The following SBSPON variants were observed in gnomAD, a reference collection of about 807,000 sequenced individuals.
The protein encoded by SBSPON is somatomedin B and thrombospondin type 1 domain containing.
In SBSPON, 30 loss-of-function variants were observed where a neutral mutation model predicts 35.8. That is an observed-to-expected ratio of 0.84 (90% CI 0.63 to 1.14). The LOEUF is 1.14. Ranked by LOEUF, SBSPON falls within the 50% of genes most tolerant of loss-of-function variation. The probability of loss-of-function intolerance (pLI) is 0.00; values close to 1 mark genes in which losing one functional copy is unlikely to be tolerated. For missense variants in SBSPON, 364 were observed against 357.7 expected (o/e 1.02, Z -0.14); for synonymous variants, 136 against 135.9 (o/e 1.00, Z 0.00).
chr8:73,071,534 A>G (rs1810491936), intron 3 of SBSPON, among the ~76,000 whole-genome samples: 1 of 152,136 alleles, frequency 6.6e-6, no homozygotes, highest in South Asian at 2.1e-4. Context: ...TCACAAAATA[A>G]TCTCATTTGT....
intron 1 of SBSPON, among the ~76,000 whole-genome samples, chr8:73,091,608 G>A (rs1193258284): frequency 2.0e-5 from 3 of 152,094 alleles, no homozygotes; most frequent in African/African-American, 7.2e-5. Flanking sequence ...CTGGCTCAAG[G>A]GCACTGCATT....
chr8:73,092,772 A>T, intron 1 of SBSPON, 82 bp downstream of exon 1: 1 of 1,074,086 alleles, frequency 9.3e-7, no homozygotes, highest in Middle Eastern at 2.5e-4. Flanking sequence ...TCAGGGACTG[A>T]GGTCCTTGGC....
intron 1 of SBSPON, among the ~76,000 whole-genome samples, chr8:73,092,034 G>A (rs1172092710): frequency 6.6e-6 from 1 of 152,214 alleles, no homozygotes; most frequent in Non-Finnish European, 1.5e-5. Flanking sequence ...GGTACACCTT[G>A]TTCCTCAAGG....
chr8:73,072,014 A>G lies in SBSPON; in HGVS notation c.410-144T>C, dbSNP rs1810502886. ...CACCATCAAGGTGTGAAATGAGGCC[A>G]AGTTACAAATTCAATAAAGATGTGT... On this transcript the variant is annotated intron_variant, in intron 2 of 4. Coordinates refer to ENST00000297354, the MANE Select transcript of SBSPON (RefSeq NM_153225.4). The G allele has an allele frequency of 3.2e-5, 20 of 625,692 alleles. No individual in the cohort carries two copies. The East Asian group carries it at 5.2e-4, about 16-fold the overall frequency. 38.8% of individuals were successfully genotyped at this position (625,692 alleles called of 1,614,324 possible).
chr8:73,083,545 C>T (rs1266944028), intron 1 of SBSPON, among the ~76,000 whole-genome samples: 1 of 152,194 alleles, frequency 6.6e-6, no homozygotes, highest in African/African-American at 2.4e-5. Context: ...GTACGGAAAC[C>T]TCTGACAGAT....
At chr8:73,081,874 G>C (rs1810713985) in intron 1 of SBSPON, among the ~76,000 whole-genome samples, 1 of 152,172 alleles carries the variant, frequency 6.6e-6, no homozygotes, top group South Asian at 2.1e-4. Context: ...GGCCCAGAGA[G>C]ATAAAGAGTA....
chr8:73,078,459 T>C (rs1391601232), intron 2 of SBSPON, among the ~76,000 whole-genome samples: 2 of 152,206 alleles, frequency 1.3e-5, no homozygotes, highest in South Asian at 2.1e-4. Context: ...AGTACAGATA[T>C]GTTAAGACAC....
intron 2 of SBSPON, among the ~76,000 whole-genome samples, chr8:73,080,651 T>C (rs560500093): frequency 6.6e-6 from 1 of 152,350 alleles, no homozygotes; most frequent in South Asian, 2.1e-4. Flanking sequence ...TTATACTTCC[T>C]GGACTCTTAC....
chr8:73,077,381 C>T (rs1440615149), intron 2 of SBSPON, among the ~76,000 whole-genome samples: 3 of 152,220 alleles, frequency 2.0e-5, no homozygotes, highest in Non-Finnish European at 4.4e-5. Flanking sequence ...GCCTGATCTG[C>T]GAACAGGAAG....
intron 2 of SBSPON, among the ~76,000 whole-genome samples, chr8:73,075,902 A>T (rs1432614342): frequency 1.3e-5 from 2 of 152,240 alleles, no homozygotes; most frequent in African/African-American, 4.8e-5. Context: ...GTGGCTTTTT[A>T]AATTTGTTTT....
chr8:73,076,173 C>A (rs559437213), intron 2 of SBSPON, among the ~76,000 whole-genome samples: 1 of 152,292 alleles, frequency 6.6e-6, no homozygotes, highest in African/African-American at 2.4e-5. Flanking sequence ...TAGTCCTTCA[C>A]ACGTGCTGTC....
chr8:73,088,728 G>T (rs1006124048), intron 1 of SBSPON, among the ~76,000 whole-genome samples: 7 of 152,120 alleles, frequency 4.6e-5, no homozygotes, highest in East Asian at 1.9e-4. Flanking sequence ...GAGGCAGAAT[G>T]GTTCTATGAG....
intron 1 of SBSPON, among the ~76,000 whole-genome samples, chr8:73,084,895 A>C (rs553036125): frequency 4.6e-5 from 7 of 152,088 alleles, no homozygotes; most frequent in Non-Finnish European, 8.8e-5. Context: ...GATGCCCCTG[A>C]GGATCATGAT....
chr8:73,075,369 C>G (rs987418411), intron 2 of SBSPON, among the ~76,000 whole-genome samples: 1 of 152,004 alleles, frequency 6.6e-6, no homozygotes, highest in African/African-American at 2.4e-5. Flanking sequence ...TTTAATACAC[C>G]CCCCCCAAAT....
intron 2 of SBSPON, among the ~76,000 whole-genome samples, chr8:73,073,757 T>C (rs1422683150): frequency 2.8e-5 from 4 of 143,252 alleles, no homozygotes; most frequent in African/African-American, 1.0e-4. Flanking sequence ...TGAGCCGAGA[T>C]CACACCACTG....
At chr8:73,071,723 T>G in intron 3 of SBSPON, 57 bp downstream of exon 3, 2 of 1,046,886 alleles carry the variant, frequency 1.9e-6, no homozygotes, top group Non-Finnish European at 1.4e-6. Flanking sequence ...CCTCTTGCAT[T>G]GACTTGACTA....
chr8:73,079,147 G>A (rs1453532910), intron 2 of SBSPON, among the ~76,000 whole-genome samples: 1 of 152,134 alleles, frequency 6.6e-6, no homozygotes, highest in Non-Finnish European at 1.5e-5. Context: ...GGGCCTGCCT[G>A]CCTGCACACC....
intron 1 of SBSPON, among the ~76,000 whole-genome samples, chr8:73,082,351 C>CTA (rs977547355): frequency 8.1e-4 from 124 of 152,264 alleles, no homozygotes; most frequent in African/African-American, 2.9e-3. Flanking sequence ...ATCCGCTTTC[C>CTA]TATCATCCTC....
At chr8:73,090,068 G>A (rs1223657246) in intron 1 of SBSPON, among the ~76,000 whole-genome samples, 1 of 152,314 alleles carries the variant, frequency 6.6e-6, no homozygotes, top group Non-Finnish European at 1.5e-5. Flanking sequence ...AGTAGAAATA[G>A]GGTTTCGCCA....
Sources: allele counts gnomAD v4.1 joint callset (sites outside exome capture counted in the v4.1 genomes callset), GRCh38; gene constraint gnomAD v4.1.1; transcripts MANE v1.5; gene names NCBI Gene and HGNC (gene_info 2026-07-23, HGNC 2026-07-21).